Variants in SYNPR observed in about 807,000 individuals in gnomAD.
SYNPR encodes synaptoporin.
In SYNPR, 23 loss-of-function variants were observed where a neutral mutation model predicts 32.9. The ratio of observed to expected loss-of-function variants is 0.70; its 90% confidence interval spans 0.50 to 0.99. SYNPR has a LOEUF of 0.99. SYNPR is among the 50% of genes least tolerant of loss of function. SYNPR has a pLI of 0.00. For synonymous variants in SYNPR, 146 were observed against 135.9 expected, an observed-to-expected ratio of 1.07 and a Z score of -0.52; for missense variants, 318 against 349.3, an observed-to-expected ratio of 0.91 and a Z score of 0.71.
chr3:63,336,205 G>C (rs2087291526), intron 2 of SYNPR, among the ~76,000 whole-genome samples: 1 of 151,856 alleles, frequency 6.6e-6, no homozygotes, highest in Admixed American at 6.6e-5. Flanking sequence ...AATTATAAAA[G>C]AGTATGTATA....
chr3:63,445,593 T>A (rs1278588331), intron 2 of SYNPR: 1 of 698,308 alleles, frequency 1.4e-6, no homozygotes, highest in Admixed American at 2.0e-5. Flanking sequence ...ACATCCTATA[T>A]GCCTGGCACT....
At chr3:63,558,095 C>A (rs996121833) in intron 4 of SYNPR, among the ~76,000 whole-genome samples, 4 of 152,166 alleles carry the variant, frequency 2.6e-5, no homozygotes, top group African/African-American at 9.7e-5. Context: ...TGTCTTCTAT[C>A]CCTTTTCCCA....
At chr3:63,535,023 T>C (rs1248113030) in intron 3 of SYNPR, among the ~76,000 whole-genome samples, 1 of 152,064 alleles carries the variant, frequency 6.6e-6, no homozygotes, top group Non-Finnish European at 1.5e-5. Flanking sequence ...CAGAACCCAA[T>C]GAGAGTAGTT....
chr3:63,613,261 C>T (rs919393505), intron 5 of SYNPR, among the ~76,000 whole-genome samples: 2 of 151,834 alleles, frequency 1.3e-5, no homozygotes, highest in Non-Finnish European at 2.9e-5. Flanking sequence ...TAATCAAGAT[C>T]CCCCTTTTAA....
chr3:63,340,533 C>T (rs1286020600), intron 2 of SYNPR, among the ~76,000 whole-genome samples: 1 of 149,212 alleles, frequency 6.7e-6, no homozygotes, highest in Non-Finnish European at 1.5e-5. Context: ...CATTCTCCTG[C>T]CTCAGCCTCC....
intron 2 of SYNPR, among the ~76,000 whole-genome samples, chr3:63,453,895 C>T (rs184019212): frequency 6.6e-6 from 1 of 152,152 alleles, no homozygotes; most frequent in Non-Finnish European, 1.5e-5. Flanking sequence ...GGTTATTCAA[C>T]ATAAAGAGAT....
chr3:63,468,572 G>A (rs1025475443), intron 2 of SYNPR, among the ~76,000 whole-genome samples: 11 of 152,046 alleles, frequency 7.2e-5, no homozygotes, highest in South Asian at 2.1e-4. Flanking sequence ...ATGGGAGGCC[G>A]AGGCAGGCGT....
At chr3:63,436,604 A>C (rs185823056) in intron 2 of SYNPR, among the ~76,000 whole-genome samples, 1 of 152,118 alleles carries the variant, frequency 6.6e-6, no homozygotes, top group Admixed American at 6.6e-5. Flanking sequence ...AAATGAAAGC[A>C]CTTAATGATC....
In SYNPR at chr3:63,334,515, AGTGTGTGTGTGTGTGTGTGT is replaced by A. The variant is rs138498529; in HGVS notation, c.84+55797_84+55816del. 1.8e-4 allele frequency among the ~76,000 whole-genome samples: 27 copies of A among 149,398 alleles called. 1 individual carries two copies. In the East Asian group the frequency reaches 2.2e-3, roughly 12 times the overall value. ...AATTTCCAGGCAGTTGTCTCAATGAAGTGTGTGTGTGTGTGTGTGTGTGTGTGTGTGTGTGTGTGTGTGGA... is the reference window on the plus strand; with the variant it reads ...AATTTCCAGGCAGTTGTCTCAATGAAGTGTGTGTGTGTGTGTGTGTGTGGA... On this transcript the variant is annotated intron_variant, in intron 2 of 5. Coordinates refer to ENST00000478300, the MANE Select transcript of SYNPR (RefSeq NM_001130003.2).
At chr3:63,441,454 C>T (rs1454714919) in intron 2 of SYNPR, among the ~76,000 whole-genome samples, 7 of 152,184 alleles carry the variant, frequency 4.6e-5, no homozygotes, top group African/African-American at 1.7e-4. Flanking sequence ...CTGACTCTGC[C>T]CCTTATCAGC....
At chr3:63,277,633 G>C (rs1251077528), upstream of SYNPR, among the ~76,000 whole-genome samples, 3 of 152,052 alleles carry the variant, frequency 2.0e-5, no homozygotes, top group Non-Finnish European at 4.4e-5. Flanking sequence ...TTCCACTGGC[G>C]CATGGTCCCA....
chr3:63,487,259 T>C (rs1223983547), intron 3 of SYNPR, among the ~76,000 whole-genome samples: 1 of 152,194 alleles, frequency 6.6e-6, no homozygotes, highest in Non-Finnish European at 1.5e-5. Context: ...ACAGACTACA[T>C]AGATTCAAAT....
At chr3:63,349,352 G>A (rs1368297744) in intron 2 of SYNPR, among the ~76,000 whole-genome samples, 1 of 152,084 alleles carries the variant, frequency 6.6e-6, no homozygotes, top group Non-Finnish European at 1.5e-5. Flanking sequence ...CGCCCACCTC[G>A]GCCTCCCAAA....
At chr3:63,453,535 A>G (rs555844584) in intron 2 of SYNPR, among the ~76,000 whole-genome samples, 2 of 152,296 alleles carry the variant, frequency 1.3e-5, no homozygotes, top group Admixed American at 1.3e-4. Context: ...AGAATTGAGT[A>G]TCTCTCCCAA....
chr3:63,335,669 G>A (rs556547097), intron 2 of SYNPR, among the ~76,000 whole-genome samples: 1 of 150,766 alleles, frequency 6.6e-6, no homozygotes, highest in East Asian at 2.0e-4. Context: ...TTGTACTTCT[G>A]TCTGGCCACT....
intron 4 of SYNPR, among the ~76,000 whole-genome samples, chr3:63,590,874 A>G (rs1703289793): frequency 1.4e-5 from 2 of 143,268 alleles, no homozygotes; most frequent in Non-Finnish European, 3.1e-5. Flanking sequence ...CCTAGGCATT[A>G]CCATTCAGGA....
intron 3 of SYNPR, among the ~76,000 whole-genome samples, chr3:63,271,174 G>A (rs554811903): frequency 6.6e-6 from 1 of 152,166 alleles, no homozygotes; most frequent in East Asian, 1.9e-4. Flanking sequence ...AAACTGCAGT[G>A]CAATATAATT....
At chr3:63,453,135 C>A (rs1700410310) in intron 2 of SYNPR, among the ~76,000 whole-genome samples, 1 of 152,164 alleles carries the variant, frequency 6.6e-6, no homozygotes, top group Non-Finnish European at 1.5e-5. Context: ...GATTTGCATA[C>A]ACACTTATGT....
intron 2 of SYNPR, chr3:63,452,008 C>A: frequency 1.5e-6 from 1 of 682,756 alleles, no homozygotes; most frequent in South Asian, 1.6e-5. Context: ...CTCCTTTCTT[C>A]CTCCCCCAGA....
Sources: gnomAD v4.1 joint callset for allele counts (sites outside exome capture counted in the v4.1 genomes callset) on GRCh38, gnomAD v4.1.1 for gene constraint, MANE v1.5 for transcripts, NCBI Gene and HGNC (gene_info 2026-07-23, HGNC 2026-07-21) for gene names.